TENM4: variants seen among roughly 807,000 people sequenced by gnomAD.
TENM4 encodes teneurin-4.
A neutral mutation model predicts 243.3 loss-of-function variants in TENM4; 82 were observed. The observed-to-expected ratio is 0.34, with a 90% CI of 0.28 to 0.40. The LOEUF is 0.40. TENM4 is among the 10% of genes least tolerant of loss of function. The pLI is 1.00. For missense variants in TENM4, 3,138 were observed against 3,673.3 expected, an observed-to-expected ratio of 0.85 and a Z score of 3.77; for synonymous variants, 1,412 against 1,456.3, an observed-to-expected ratio of 0.97 and a Z score of 0.69.
chr11:78,685,660 A>G (rs1166949785), intron 29 of TENM4, among the ~76,000 whole-genome samples: 1 of 152,230 alleles, frequency 6.6e-6, no homozygotes, highest in Non-Finnish European at 1.5e-5. Flanking sequence ...GAAAGCCCAC[A>G]TGAACCTTTG....
intron 1 of TENM4, among the ~76,000 whole-genome samples, chr11:79,409,085 TGTGTGTGTGTGTGTGTGCGC>T (rs1295960075): frequency 2.3e-4 from 27 of 118,310 alleles, no homozygotes; most frequent in African/African-American, 2.9e-4. Context: ...TGTGTGTGTG[TGTGTGTGTGTGTGTGTGCGC>T]GCGCGCGCGT....
intron 1 of TENM4, among the ~76,000 whole-genome samples, chr11:79,431,466 G>A (rs1261838764): frequency 1.3e-5 from 2 of 152,084 alleles, no homozygotes; most frequent in Admixed American, 6.5e-5. Context: ...TAGATTCCTA[G>A]AATCAGAATA....
chr11:78,983,792 G>T (rs1301862890), intron 6 of TENM4, among the ~76,000 whole-genome samples: 2 of 152,062 alleles, frequency 1.3e-5, no homozygotes, highest in Non-Finnish European at 2.9e-5. Context: ...CTGTGGGGGT[G>T]GGGCTGGGTG....
At chr11:79,365,770 A>AG (rs1389174481) in intron 1 of TENM4, among the ~76,000 whole-genome samples, 4 of 152,256 alleles carry the variant, frequency 2.6e-5, no homozygotes, top group South Asian at 2.1e-4. Context: ...ACCAGATCTC[A>AG]GGGGGTCTGG....
At chr11:78,998,977 A>G (rs1591194504) in intron 6 of TENM4, among the ~76,000 whole-genome samples, 1 of 152,258 alleles carries the variant, frequency 6.6e-6, no homozygotes, top group African/African-American at 2.4e-5. Context: ...GACAGGTTTT[A>G]AAAAGACCTA....
At chr11:79,116,255 TA>T (rs1861618438) in intron 4 of TENM4, among the ~76,000 whole-genome samples, 1 of 152,218 alleles carries the variant, frequency 6.6e-6, no homozygotes, top group Non-Finnish European at 1.5e-5. Context: ...GAACAGAACT[TA>T]ACATTCATTA....
chr11:79,252,759 C>T (rs1855633464), intron 2 of TENM4, among the ~76,000 whole-genome samples: 1 of 152,150 alleles, frequency 6.6e-6, no homozygotes, highest in South Asian at 2.1e-4. Context: ...AAAGAATGTG[C>T]CCCAGCTCTC....
intron 1 of TENM4, among the ~76,000 whole-genome samples, chr11:79,367,835 CA>C: frequency 6.6e-6 from 1 of 152,300 alleles, no homozygotes; most frequent in African/African-American, 2.4e-5. Flanking sequence ...CAAAAAGCAA[CA>C]ATTTGCAAAG....
At chr11:79,391,813 A>C (rs981457214) in intron 1 of TENM4, among the ~76,000 whole-genome samples, 6 of 152,178 alleles carry the variant, frequency 3.9e-5, no homozygotes, top group Non-Finnish European at 5.9e-5. Flanking sequence ...ATTCTGAAAC[A>C]CACCTCACCC....
intron 9 of TENM4, among the ~76,000 whole-genome samples, chr11:78,871,339 G>A (rs1006574249): frequency 7.1e-6 from 1 of 140,740 alleles, no homozygotes; most frequent in Non-Finnish European, 1.6e-5. Flanking sequence ...ACTACCAGAT[G>A]GGAGCTCTCT....
rs1229560234 is a variant in TENM4 at position 78,978,168 on chromosome 11, A to C, written c.494-74645T>G. ...GGTTGAACAATGAGAACACATGGAC[A>C]CAGGGAGGGGAAAAACATACACTGC... is the stretch of plus-strand genomic sequence containing the variant. On this transcript the variant is annotated intron_variant, in intron 6 of 33. Coordinates refer to ENST00000278550, the MANE Select transcript of TENM4 (RefSeq NM_001098816.3). 2.3e-3 allele frequency among the ~76,000 whole-genome samples: 344 copies of C among 152,246 alleles called. 4 individuals are homozygous for C. Among genetic ancestry groups the C allele is most frequent in the African/African-American group, 7.5e-3 (312 of 41,546 alleles).
At chr11:79,247,702 A>T (rs1044521871) in intron 2 of TENM4, among the ~76,000 whole-genome samples, 1 of 152,222 alleles carries the variant, frequency 6.6e-6, no homozygotes, top group African/African-American at 2.4e-5. Flanking sequence ...TGGAACTGGC[A>T]TTTTACCCAT....
At chr11:79,284,748 A>G (rs140223970) in intron 2 of TENM4, among the ~76,000 whole-genome samples, 82 of 152,348 alleles carry the variant, frequency 5.4e-4, no homozygotes, top group African/African-American at 1.9e-3. Context: ...AACATTATCA[A>G]GAGAGTAAAA....
intron 19 of TENM4, chr11:78,756,521 T>C (rs1856308572): frequency 2.5e-6 from 1 of 407,116 alleles, no homozygotes; most frequent in South Asian, 2.4e-5. Flanking sequence ...AAAGTGGGTA[T>C]TGATCCAAGA....
In TENM4 at chr11:79,189,180, A is replaced by G. The variant is rs182691816; in HGVS notation, c.-163+26628T>C. ...ATGTTGTCATAATACATGATCTTGA[A>G]TAAGGTACTTTAATAGTTTCAATTC... is the stretch of plus-strand genomic sequence containing the variant. On this transcript the variant is annotated intron_variant, in intron 3 of 33. Transcript: ENST00000278550. 2.9e-3 allele frequency among the ~76,000 whole-genome samples: 442 copies of G among 152,366 alleles called. 9 individuals carry two copies. Among genetic ancestry groups the G allele is most frequent in the Admixed American group, 0.026 (393 of 15,302 alleles).
At chr11:78,824,832 C>T (rs1180468500) in intron 12 of TENM4, among the ~76,000 whole-genome samples, 1 of 152,156 alleles carries the variant, frequency 6.6e-6, no homozygotes, top group Admixed American at 6.5e-5. Context: ...GATGGGGACA[C>T]ACATCTAAAC....
chr11:78,736,612 T>C (rs1166330311), intron 20 of TENM4, among the ~76,000 whole-genome samples: 1 of 152,100 alleles, frequency 6.6e-6, no homozygotes, highest in East Asian at 1.9e-4. Flanking sequence ...CCAGACTATA[T>C]CTCTTAGTCT....
chr11:78,676,725 A>G (rs2135698893), intron 29 of TENM4, among the ~76,000 whole-genome samples: 1 of 152,316 alleles, frequency 6.6e-6, no homozygotes, highest in South Asian at 2.1e-4. Flanking sequence ...TTTCATAAAC[A>G]TTTTTCTTAA....
intron 3 of TENM4, among the ~76,000 whole-genome samples, chr11:79,192,772 A>T (rs535941256): frequency 3.4e-4 from 52 of 152,250 alleles, no homozygotes; most frequent in South Asian, 1.7e-3. Context: ...TAAAAAAAAA[A>T]ATATTTTCAG....
Sources: gnomAD v4.1 joint callset for allele counts (sites outside exome capture counted in the v4.1 genomes callset) on GRCh38, gnomAD v4.1.1 for gene constraint, MANE v1.5 for transcripts, NCBI Gene and HGNC (gene_info 2026-07-23, HGNC 2026-07-21) for gene names.